The following OXR1 variants were observed in gnomAD, a reference collection of about 807,000 sequenced individuals.
OXR1 encodes oxidation resistance protein 1.
A neutral mutation model predicts 104.6 loss-of-function variants in OXR1; 41 were observed. That is an observed-to-expected ratio of 0.39 (90% confidence interval 0.31 to 0.51). The LOEUF is 0.51. OXR1 is among the 20% of genes least tolerant of loss of function. The probability of loss-of-function intolerance (pLI) is 0.77; values close to 1 mark genes in which losing one functional copy is unlikely to be tolerated. For synonymous variants in OXR1, 348 were observed against 348.4 expected (o/e 1.00, Z 0.01); for missense variants, 955 against 1,031.9 (o/e 0.93, Z 1.02).
chr8:106,541,068 G>A (rs1453208), intron 3 of OXR1, among the ~76,000 whole-genome samples: 11,749 of 152,176 alleles, frequency 0.077, 509 homozygotes, highest in Middle Eastern at 0.1. Context: ...TAATTTCTCT[G>A]ACCCTCATTT....
chr8:106,646,975 C>T (rs911811511), intron 3 of OXR1, among the ~76,000 whole-genome samples: 1 of 152,150 alleles, frequency 6.6e-6, no homozygotes, highest in Non-Finnish European at 1.5e-5. Flanking sequence ...CTGCCACATT[C>T]CAGGTATGGA....
At chr8:106,513,967 G>A (rs73699540) in intron 2 of OXR1, among the ~76,000 whole-genome samples, 5,200 of 152,160 alleles carry the variant, frequency 0.034, 315 homozygotes, top group African/African-American at 0.12. Context: ...CTTCTCAAAA[G>A]CAGAAGGACA....
At chr8:106,559,806 C>T (rs1563605306) in intron 3 of OXR1, among the ~76,000 whole-genome samples, 1 of 152,074 alleles carries the variant, frequency 6.6e-6, no homozygotes, top group Non-Finnish European at 1.5e-5. Context: ...TAGTCAACTC[C>T]CAAATGTTCT....
intron 3 of OXR1, among the ~76,000 whole-genome samples, chr8:106,678,173 G>A (rs1034341181): frequency 1.3e-5 from 2 of 151,814 alleles, no homozygotes; most frequent in Non-Finnish European, 2.9e-5. Flanking sequence ...TCCTTTTTGG[G>A]GATTTTGATA....
At chr8:106,482,793 A>G (rs1477218883) in intron 2 of OXR1, among the ~76,000 whole-genome samples, 1 of 152,056 alleles carries the variant, frequency 6.6e-6, no homozygotes, top group Non-Finnish European at 1.5e-5. Context: ...CATCTGTTCC[A>G]GGCTTCAAAA....
intron 3 of OXR1, among the ~76,000 whole-genome samples, chr8:106,550,088 G>A (rs980224889): frequency 3.3e-5 from 5 of 152,242 alleles, no homozygotes; most frequent in East Asian, 1.9e-4. Flanking sequence ...TGAGAAAAAC[G>A]TGGCTTGAAG....
In OXR1 at chr8:106,742,118, C is replaced by A. The variant is rs890525650; in HGVS notation, c.2317-104C>A. ...TAAGTATGATTAGATTAAACTATAC[C>A]AGATTTCTATTTTTTGCATTTTATT... is the stretch of plus-strand genomic sequence containing the variant. On this transcript the variant is annotated intron_variant, in intron 14 of 16. Coordinates refer to ENST00000517566, the MANE Select transcript of OXR1 (RefSeq NM_001198533.2). The A allele has an allele frequency of 1.3e-5, 9 of 694,910 alleles. No individual in the cohort carries two copies. In the Admixed American group the frequency reaches 2.5e-4, roughly 19 times the overall value. 43.0% of individuals were successfully genotyped at this position (694,910 alleles called of 1,614,324 possible).
chr8:106,700,831 T>C (rs558693533), intron 7 of OXR1, among the ~76,000 whole-genome samples: 5 of 152,244 alleles, frequency 3.3e-5, no homozygotes, highest in Admixed American at 2.6e-4. Context: ...ATTTATGAAA[T>C]GGAGAGTAAC....
At chr8:106,633,011 G>A (rs896165676) in intron 3 of OXR1, among the ~76,000 whole-genome samples, 9 of 151,910 alleles carry the variant, frequency 5.9e-5, no homozygotes, top group African/African-American at 2.2e-4. Flanking sequence ...TGAGGCGGGT[G>A]TATCACAAGC....
intron 1 of OXR1, among the ~76,000 whole-genome samples, chr8:106,333,492 A>G (rs908772261): frequency 6.6e-6 from 1 of 152,024 alleles, no homozygotes. Context: ...TTTGAACTCC[A>G]ACTTACCTTT....
At chr8:106,285,222 A>C (rs776576508) in intron 1 of OXR1, among the ~76,000 whole-genome samples, 21 of 152,324 alleles carry the variant, frequency 1.4e-4, no homozygotes, top group Non-Finnish European at 2.5e-4. Flanking sequence ...AATTGTGTAC[A>C]TGGCCCTCTC....
chr8:106,397,580 T>C (rs2022971), intron 2 of OXR1, among the ~76,000 whole-genome samples: 90,043 of 151,744 alleles, frequency 0.59, 27,404 homozygotes, highest in Middle Eastern at 0.68. Flanking sequence ...GGAATTTTGA[T>C]GAAATAAATA....
chr8:106,588,838 C>T (rs1818854053), intron 3 of OXR1, among the ~76,000 whole-genome samples: 1 of 152,174 alleles, frequency 6.6e-6, no homozygotes, highest in African/African-American at 2.4e-5. Context: ...TAAAAGCTTC[C>T]TATCAGGGCT....
intron 1 of OXR1, among the ~76,000 whole-genome samples, chr8:106,359,017 G>C (rs753729313): frequency 1.3e-5 from 2 of 151,396 alleles, no homozygotes; most frequent in Non-Finnish European, 2.9e-5. Context: ...TAAAGCCTTG[G>C]GTGTGATGGC....
intron 1 of OXR1, among the ~76,000 whole-genome samples, chr8:106,334,093 A>G (rs550693604): frequency 2.8e-4 from 42 of 152,344 alleles, no homozygotes; most frequent in African/African-American, 9.1e-4. Flanking sequence ...CTTCGAAACC[A>G]TGAACATAAA....
At chr8:106,612,145 A>T (rs984277146) in intron 3 of OXR1, among the ~76,000 whole-genome samples, 9 of 151,558 alleles carry the variant, frequency 5.9e-5, no homozygotes, top group Non-Finnish European at 1.5e-5. Flanking sequence ...TCTCATGTTC[A>T]TACCTTAAAG....
Position 106,386,395 on chromosome 8 carries a change from G to A in OXR1, c.23+26759G>A, listed in dbSNP as rs192355287. Among the ~76,000 whole-genome samples, 108 of 152,292 alleles carry A rather than the reference G, an allele frequency of 7.1e-4. 1 individual carries two copies. The highest frequency in any genetic ancestry group is 2.4e-3 in the African/African-American group (101 of 41,572). ...GGAGATCCTTCATGCATTTGCTTAA[G>A]CAAGTTTTTCTATAGAAATTATCTC... On this transcript the variant is annotated intron_variant, in intron 2 of 16. Coordinates refer to ENST00000517566, the MANE Select transcript of OXR1 (RefSeq NM_001198533.2).
At chr8:106,654,643 A>G (rs1586975552) in intron 3 of OXR1, among the ~76,000 whole-genome samples, 1 of 152,194 alleles carries the variant, frequency 6.6e-6, no homozygotes, top group Admixed American at 6.5e-5. Flanking sequence ...AATAAAACTC[A>G]TAGAAAAAAC....
intron 2 of OXR1, among the ~76,000 whole-genome samples, chr8:106,462,335 T>C (rs1297792049): frequency 6.6e-6 from 1 of 152,176 alleles, no homozygotes; most frequent in Non-Finnish European, 1.5e-5. Flanking sequence ...GATGTATACA[T>C]GAGATATTAT....
Sources: allele counts gnomAD v4.1 joint callset (sites outside exome capture counted in the v4.1 genomes callset), GRCh38; gene constraint gnomAD v4.1.1; transcripts MANE v1.5; gene names NCBI Gene and HGNC (gene_info 2026-07-23, HGNC 2026-07-21).